Variants in ADA observed in about 807,000 individuals in gnomAD.
ADA encodes adenosine deaminase.
Under a neutral mutation model 49.0 loss-of-function variants are expected in ADA, and 45 were observed. The observed-to-expected ratio is 0.92, with a 90% CI of 0.72 to 1.18. The LOEUF (loss-of-function observed/expected upper bound fraction) is 1.18. Ranked by LOEUF, ADA falls within the 50% of genes most tolerant of loss-of-function variation. ADA has a pLI of 0.00. For missense variants in ADA, 445 were observed against 472.5 expected, an observed-to-expected ratio of 0.94 and a Z score of 0.54; for synonymous variants, 173 against 184.2, an observed-to-expected ratio of 0.94 and a Z score of 0.49.
intron 1 of ADA, among the ~76,000 whole-genome samples, chr20:44,647,642 G>C (rs2065604860): frequency 6.6e-6 from 1 of 152,038 alleles, no homozygotes; most frequent in Non-Finnish European, 1.5e-5. Context: ...TACTAGCCGG[G>C]CACAGTGGCT....
At chr20:44,625,478 AG>A (rs1199597172) in intron 5 of ADA, 90 bp downstream of exon 5, 8 of 1,166,800 alleles carry the variant, frequency 6.9e-6, no homozygotes, top group Non-Finnish European at 1.0e-5. Flanking sequence ...TGTGGGGCAC[AG>A]GGGAGATCAG....
intron 1 of ADA, among the ~76,000 whole-genome samples, chr20:44,639,016 C>A (rs779268402): frequency 4.6e-5 from 7 of 152,128 alleles, no homozygotes; most frequent in Non-Finnish European, 7.3e-5. Flanking sequence ...GTTCATGGTA[C>A]TGGAGAGGCT....
At chr20:44,625,808 T>C in intron 4 of ADA, 124 bp from the exon 5 acceptor site, 1 of 771,496 alleles carries the variant, frequency 1.3e-6, no homozygotes, top group African/African-American at 1.7e-5. Context: ...ACTGACCCAC[T>C]GCCTCAGAGG....
intron 1 of ADA, among the ~76,000 whole-genome samples, chr20:44,638,107 C>T (rs2065497126): frequency 6.6e-6 from 1 of 152,210 alleles, no homozygotes; most frequent in African/African-American, 2.4e-5. Flanking sequence ...AATCTCGGCT[C>T]CTCCACTCAC....
chr20:44,635,045 G>C (rs1257598269), intron 2 of ADA, among the ~76,000 whole-genome samples: 1 of 152,212 alleles, frequency 6.6e-6, no homozygotes, highest in Non-Finnish European at 1.5e-5. Flanking sequence ...CCTGTTCTTA[G>C]CCTCAGTTGA....
chr20:44,633,176 A>G (rs1480318083), intron 2 of ADA, among the ~76,000 whole-genome samples: 2 of 152,076 alleles, frequency 1.3e-5, no homozygotes, highest in Non-Finnish European at 2.9e-5. Flanking sequence ...TATTTACCAC[A>G]TCATCCCAGG....
intron 1 of ADA, among the ~76,000 whole-genome samples, chr20:44,638,392 A>C (rs1235333659): frequency 2.0e-5 from 3 of 152,178 alleles, no homozygotes; most frequent in Non-Finnish European, 4.4e-5. Flanking sequence ...CCTGGCCAAC[A>C]TGGTGAAACC....
chr20:44,636,408 T>A, intron 1 of ADA, 120 bp from the exon 2 acceptor site: 1 of 863,052 alleles, frequency 1.2e-6, no homozygotes, highest in Non-Finnish European at 1.9e-6. Flanking sequence ...TTAGCCACCA[T>A]TTTACTGGCT....
chr20:44,639,991 T>C (rs995710247), intron 1 of ADA, among the ~76,000 whole-genome samples: 58 of 151,900 alleles, frequency 3.8e-4, no homozygotes, highest in African/African-American at 1.4e-3. Context: ...GTGTGTGGTA[T>C]GCAGAAGGCC....
chr20:44,651,461 T>A, intron 1 of ADA, 114 bp downstream of exon 1: 1 of 1,073,916 alleles, frequency 9.3e-7, no homozygotes, highest in Non-Finnish European at 1.3e-6. Flanking sequence ...AGAACTCGCC[T>A]GCAGGAGCCC....
chr20:44,626,944 G>A (rs2065388462), intron 3 of ADA, among the ~76,000 whole-genome samples: 1 of 152,144 alleles, frequency 6.6e-6, no homozygotes, highest in South Asian at 2.1e-4. Flanking sequence ...CGAAGCCCCA[G>A]TAGCTTCCTG....
chr20:44,623,923 G>A, intron 6 of ADA: 1 of 459,526 alleles, frequency 2.2e-6, no homozygotes, highest in South Asian at 1.6e-5. Flanking sequence ...ACTTTTTTTT[G>A]TATTTGCAGA....
chr20:44,634,429 A>G (rs2065461238), intron 2 of ADA, among the ~76,000 whole-genome samples: 1 of 152,238 alleles, frequency 6.6e-6, no homozygotes, highest in Non-Finnish European at 1.5e-5. Flanking sequence ...ACAGGGGGTA[A>G]TGGCCAGGGC....
At chr20:44,631,223 G>C (rs2065430254) in intron 2 of ADA, among the ~76,000 whole-genome samples, 1 of 152,142 alleles carries the variant, frequency 6.6e-6, no homozygotes, top group African/African-American at 2.4e-5. Context: ...AGTGCCCAGA[G>C]GGTACCACCA....
intron 2 of ADA, among the ~76,000 whole-genome samples, chr20:44,631,220 A>G (rs1308054039): frequency 1.3e-5 from 2 of 152,144 alleles, no homozygotes; most frequent in African/African-American, 4.8e-5. Flanking sequence ...ATGAGTGCCC[A>G]GAGGGTACCA....
chr20:44,621,162 G>C lies in ADA; in HGVS notation c.846-15C>G. ...CATTTTTGAGCCTGCAGAAGAGGGA[G>C]GAGGAGAGAATCAGCCTCCTTTTAC... On this transcript the variant is annotated splice_polypyrimidine_tract_variant and intron_variant, in intron 9 of 11. Transcript: ENST00000372874. The C allele has an allele frequency of 6.2e-7, 1 of 1,614,138 alleles. No homozygotes were observed. Among genetic ancestry groups the C allele is most frequent in the Non-Finnish European group, 8.5e-7 (1 of 1,180,020 alleles).
In ADA at chr20:44,619,626, T is replaced by A; in HGVS notation, c.*208A>T. ...CAACCATGCCCATGTGCAAGGGCGC[T>A]GGTCCCTGGCCAGGGCACATAATCA... On this transcript the variant is annotated 3_prime_UTR_variant, in exon 12 of 12. Coordinates refer to ENST00000372874, the MANE Select transcript of ADA (RefSeq NM_000022.4). The A allele has an allele frequency of 3.2e-6, 2 of 623,278 alleles. No individual in the cohort carries two copies. The highest frequency in any genetic ancestry group is 5.7e-6 in the Non-Finnish European group (2 of 351,686). The allele number at this position is 623,278 out of a possible 1,614,324, so 38.6% of individuals were successfully genotyped here. A position where few individuals can be genotyped will look rare whatever the true frequency, so the allele number is the denominator to read the frequency against.
intron 3 of ADA, among the ~76,000 whole-genome samples, chr20:44,628,696 G>A (rs1291682607): frequency 1.5e-5 from 2 of 133,194 alleles, no homozygotes; most frequent in Non-Finnish European, 3.2e-5. Context: ...ACATCTCCCC[G>A]CCCCCACCCT....
At position 44,625,495 on chromosome 20, in the gene ADA, G is replaced by A. The variant is rs80157776; in HGVS notation, c.478+74C>T. 57 of 1,337,104 alleles carry A rather than the reference G, an allele frequency of 4.3e-5. No individual in the cohort carries two copies. In the East Asian group the frequency reaches 1.4e-3, roughly 32 times the overall value. The allele number at this position is 1,337,104 out of a possible 1,614,324, so 82.8% of individuals were successfully genotyped here. ...TGGGGCACAGGGGAGATCAGGTACA[G>A]CCCCACTGCTAGGCCAGGAGGTCAG... On this transcript the variant is annotated intron_variant, in intron 5 of 11. Transcript: ENST00000372874.
Sources: gnomAD v4.1 joint callset for allele counts (sites outside exome capture counted in the v4.1 genomes callset) on GRCh38, gnomAD v4.1.1 for gene constraint, MANE v1.5 for transcripts, NCBI Gene and HGNC (gene_info 2026-07-23, HGNC 2026-07-21) for gene names.